CHFR: variants seen among roughly 807,000 people sequenced by gnomAD.
CHFR encodes checkpoint with forkhead and ring finger domains.
Under a neutral mutation model 87.6 loss-of-function variants are expected in CHFR, and 57 were observed. The ratio of observed to expected loss-of-function variants is 0.65; its 90% CI spans 0.53 to 0.81. The LOEUF (loss-of-function observed/expected upper bound fraction) is 0.81. CHFR is among the 30% of genes least tolerant of loss of function. CHFR has a pLI of 0.00. For missense variants in CHFR, 797 were observed against 865.8 expected (o/e 0.92, Z 1.00); for synonymous variants, 381 against 359.2 (o/e 1.06, Z -0.69).
At chr12:132,859,585 C>A in intron 7 of CHFR, among the ~76,000 whole-genome samples, 1 of 152,130 alleles carries the variant, frequency 6.6e-6, no homozygotes, top group East Asian at 1.9e-4. Context: ...CTCCTGACCT[C>A]GTGATCCACC....
chr12:132,852,103 C>G (rs1450189560), intron 11 of CHFR, among the ~76,000 whole-genome samples: 1 of 151,920 alleles, frequency 6.6e-6, no homozygotes, highest in Non-Finnish European at 1.5e-5. Flanking sequence ...CCTGCTTTAG[C>G]CTCCCGAGTA....
rs532886868 is a variant in CHFR at position 132,878,337 on chromosome 12, C to T, written c.134-683G>A. ...TACAAAAATTAGCTGGGCATGGTGG[C>T]GGTTGCCTATAATCCCAGCTACTTG... On this transcript the variant is annotated intron_variant, in intron 2 of 17. Coordinates refer to ENST00000450056, the MANE Select transcript of CHFR (RefSeq NM_001161346.2). 3.3e-5 allele frequency among the ~76,000 whole-genome samples: 5 copies of T among 151,820 alleles called. No homozygotes were observed. The South Asian group carries it at 1.0e-3, about 32-fold the overall frequency.
chr12:132,880,595 T>C (rs570879513), intron 2 of CHFR, among the ~76,000 whole-genome samples: 1 of 151,106 alleles, frequency 6.6e-6, no homozygotes, highest in Admixed American at 6.6e-5. Context: ...GAGGTGGAGC[T>C]TGCAGTGAGC....
intron 4 of CHFR, among the ~76,000 whole-genome samples, chr12:132,871,667 G>C (rs1230136835): frequency 1.3e-5 from 2 of 150,748 alleles, no homozygotes; most frequent in African/African-American, 4.9e-5. Context: ...AGCTACTCAG[G>C]AGGCTGAGGC....
chr12:132,881,493 T>C (rs1332113898), intron 2 of CHFR, among the ~76,000 whole-genome samples: 2 of 152,146 alleles, frequency 1.3e-5, no homozygotes, highest in East Asian at 3.9e-4. Flanking sequence ...CATGACAAAA[T>C]GCTCAACATC....
intron 7 of CHFR, among the ~76,000 whole-genome samples, chr12:132,860,728 C>T (rs962851134): frequency 6.6e-6 from 1 of 152,198 alleles, no homozygotes; most frequent in South Asian, 2.1e-4. Flanking sequence ...AAATTATTGT[C>T]CTACCAGGAC....
chr12:132,866,576 A>T (rs368254163), intron 6 of CHFR: 1 of 120,266 alleles, frequency 8.3e-6, no homozygotes, highest in Non-Finnish European at 1.9e-5. Flanking sequence ...ACACACCAGA[A>T]TGTTACAACA....
Position 132,851,645 on chromosome 12 carries a change from G to C in CHFR, c.1465C>G (p.Gln489Glu), listed in dbSNP as rs1015010652. Residue 489 changes from glutamine (Q) to glutamate (E), a missense_variant, in exon 12 of 18, where the codon CAG becomes GAG. Gln to Glu is a conservative substitution (Grantham distance 29). Transcript: ENST00000450056. The stretch of plus-strand genomic sequence containing the variant: ...TGCTGAGGGGCGACACGCGGGTCCT[G>C]CTCGCGCTCCGCTCTCCGGTCGGGC... Reference protein sequence around the residue: ...PMPDRRAEREQDPRVAPQQCA... With the variant: ...PMPDRRAEREEDPRVAPQQCA... 1 of 1,612,744 alleles carries C rather than the reference G, an allele frequency of 6.2e-7. No homozygotes were observed. Among genetic ancestry groups the C allele is most frequent in the Non-Finnish European group, 8.5e-7 (1 of 1,179,854 alleles).
At chr12:132,886,049 C>G (rs1295160285) in intron 2 of CHFR, among the ~76,000 whole-genome samples, 2 of 152,206 alleles carry the variant, frequency 1.3e-5, no homozygotes, top group African/African-American at 4.8e-5. Context: ...CAGTGGTTCA[C>G]ACCTGTAATC....
At chr12:132,844,429 T>C (rs1270974731) in intron 15 of CHFR, among the ~76,000 whole-genome samples, 1 of 151,142 alleles carries the variant, frequency 6.6e-6, no homozygotes, top group Non-Finnish European at 1.5e-5. Context: ...GGACTACAGG[T>C]GCCCGCCACC....
Position 132,869,711 on chromosome 12 carries a change from T to C in CHFR, c.491A>G (p.Gln164Arg), listed in dbSNP as rs756710137. 2.6e-6 allele frequency: 4 copies of C among 1,551,596 alleles called. No individual in the cohort carries two copies. The highest frequency in any genetic ancestry group is 3.5e-6 in the Non-Finnish European group (4 of 1,147,018). ...GAGGTCTGACGTCGATGTTGATGGC[T>C]GTGGTTCCTCAAAGCACACCTGAGT... ...PATQVCFEEPQPSTSTSDLFP... is the reference protein window; with the variant it reads ...PATQVCFEEPRPSTSTSDLFP... The change falls in exon 6 of 18, where the codon CAG (glutamine) becomes CGG (arginine). Residue 164 changes from glutamine to arginine, a missense_variant. By Grantham distance (43) the Gln-to-Arg change is conservative. Around this residue, in one of 2 missense-constraint regions of CHFR, gnomAD observed 597 missense variants for 601.2 expected, o/e 0.99. Coordinates refer to ENST00000450056, the MANE Select transcript of CHFR (RefSeq NM_001161346.2).
At chr12:132,870,169 G>A (rs1208243431) in intron 5 of CHFR, among the ~76,000 whole-genome samples, 3 of 152,026 alleles carry the variant, frequency 2.0e-5, no homozygotes, top group African/African-American at 2.4e-5. Context: ...TGGCTAACAC[G>A]GTGAAACCCC....
chr12:132,847,463 C>T (rs1376099199), intron 14 of CHFR: 1 of 1,110,438 alleles, frequency 9.0e-7, no homozygotes, highest in South Asian at 2.5e-5. Flanking sequence ...GGCTGTTGCA[C>T]AAGAAAAGCT....
intron 6 of CHFR, among the ~76,000 whole-genome samples, chr12:132,864,222 CAG>C (rs1056248053): frequency 2.7e-5 from 4 of 148,774 alleles, no homozygotes; most frequent in African/African-American, 9.9e-5. Flanking sequence ...TGAAAGAAAA[CAG>C]AATAGTTTTG....
chr12:132,851,908 A>T (rs137976420), intron 11 of CHFR, among the ~76,000 whole-genome samples, 171 bp from the exon 12 acceptor site: 1,693 of 152,284 alleles, frequency 0.011, 33 homozygotes, highest in African/African-American at 0.039. Flanking sequence ...AAACTCGGGG[A>T]GTCAAAACAG....
chr12:132,862,889 T>C (rs1223539857), intron 6 of CHFR, among the ~76,000 whole-genome samples: 2 of 148,312 alleles, frequency 1.3e-5, no homozygotes, highest in Non-Finnish European at 1.5e-5. Flanking sequence ...CAAGACCTCA[T>C]TTCTTTTGTT....
chr12:132,881,271 A>G (rs1157764603), intron 2 of CHFR, among the ~76,000 whole-genome samples: 1 of 151,826 alleles, frequency 6.6e-6, no homozygotes, highest in African/African-American at 2.4e-5. Flanking sequence ...AAAAAAAAAA[A>G]GTAAAAATCT....
At position 132,856,600 on chromosome 12, in the gene CHFR, C is replaced by T. The variant is rs1293723698; in HGVS notation, c.1097G>A (p.Ser366Asn). Reference sequence around the variant, plus strand: ...AGTGATTTTATTTCTGGCATCCATACTTTGCACATCTTCTTCACTGCGACT... The same window carrying T: ...AGTGATTTTATTTCTGGCATCCATATTTTGCACATCTTCTTCACTGCGACT... ...DKSRSEEDVQ[S>N]MDARNKITQD... is the part of the protein sequence containing the mutation. Residue 366 changes from serine to asparagine, a missense_variant, in exon 10 of 18, where the codon AGT becomes AAT. Transcript: ENST00000450056. The T allele has an allele frequency of 1.2e-6, 2 of 1,614,058 alleles. No homozygotes were observed. The highest frequency in any genetic ancestry group is 3.3e-5 in the Admixed American group (2 of 60,008).
intron 3 of CHFR, among the ~76,000 whole-genome samples, 157 bp from the exon 4 acceptor site, chr12:132,872,551 C>G (rs1951516080): frequency 6.6e-6 from 1 of 152,212 alleles, no homozygotes; most frequent in Non-Finnish European, 1.5e-5. Context: ...CCACGCACCC[C>G]TCACCATTCT....
Sources: allele counts gnomAD v4.1 joint callset (sites outside exome capture counted in the v4.1 genomes callset), GRCh38; gene constraint gnomAD v4.1.1; regional missense constraint gnomAD v4.1.1; transcripts MANE v1.5; gene names NCBI Gene and HGNC (gene_info 2026-07-23, HGNC 2026-07-21).